The following OSBPL3 variants were observed in gnomAD, a reference collection of about 807,000 sequenced individuals.
The protein encoded by OSBPL3 is oxysterol-binding protein-related protein 3.
Under a neutral mutation model 120.1 loss-of-function variants are expected in OSBPL3, and 65 were observed. The observed-to-expected ratio is 0.54, with a 90% CI of 0.44 to 0.67. The LOEUF is 0.67. Among genes scored for constraint, OSBPL3 ranks in the 30% least tolerant of loss-of-function variants. The probability of loss-of-function intolerance (pLI) is 0.00; values close to 1 mark genes in which losing one functional copy is unlikely to be tolerated. For missense variants in OSBPL3, 1,004 were observed against 1,082.1 expected (o/e 0.93, Z 1.01); for synonymous variants, 416 against 402.6 (o/e 1.03, Z -0.40).
chr7:24,923,125 T>C (rs866348149), intron 1 of OSBPL3, among the ~76,000 whole-genome samples: 3 of 152,150 alleles, frequency 2.0e-5, no homozygotes, highest in Non-Finnish European at 4.4e-5. Context: ...TAGAAGATAG[T>C]TTCCATCAAT....
In OSBPL3 at chr7:24,806,707, G is replaced by C. The variant is rs942047552; in HGVS notation, c.2444+69C>G. 4.3e-5 allele frequency: 63 copies of C among 1,472,658 alleles called. No individual in the cohort carries two copies. Among genetic ancestry groups the C allele is most frequent in the Middle Eastern group, 3.5e-4 (2 of 5,648 alleles). 91.2% of individuals were successfully genotyped at this position (1,472,658 alleles called of 1,614,324 possible). On this transcript the variant is annotated intron_variant, in intron 21 of 22. Transcript: ENST00000313367. This position sits in a 1 kb window ranked among gnomAD's most constrained non-coding sequence, Gnocchi z 5.2. Reference sequence around the variant, plus strand: ...TCTCAGGTGCCTCTGGTGGCCTAAGGATTGTTAATAAGACTTTTTGTAAAG... The same window carrying C: ...TCTCAGGTGCCTCTGGTGGCCTAAGCATTGTTAATAAGACTTTTTGTAAAG...
chr7:24,872,547 A>T lies in OSBPL3; in HGVS notation c.97-478T>A, dbSNP rs1400796188. ...TGAACAGTATGAGACAATGCAAATC[A>T]GTAAATATGACAACTTGATTGAAAT... On this transcript the variant is annotated intron_variant, in intron 2 of 22. Coordinates refer to ENST00000313367, the MANE Select transcript of OSBPL3 (RefSeq NM_015550.4). The surrounding 1 kb of genome is among the most constrained non-coding windows in gnomAD (Gnocchi z 4.1). Among the ~76,000 whole-genome samples the T allele has an allele frequency of 4.0e-5, 6 of 151,874 alleles. No individual in the cohort carries two copies. Among genetic ancestry groups the T allele is most frequent in the African/African-American group, 1.5e-4 (6 of 41,364 alleles).
rs568754786 is a variant in OSBPL3 at position 24,898,540 on chromosome 7, T to G, written c.-149-5919A>C. Among the ~76,000 whole-genome samples the G allele has an allele frequency of 6.6e-6, 1 of 152,220 alleles. No individual in the cohort carries two copies. The highest frequency in any genetic ancestry group is 1.5e-5 in the Non-Finnish European group (1 of 68,032). On this transcript the variant is annotated intron_variant, in intron 1 of 22. Coordinates refer to ENST00000313367, the MANE Select transcript of OSBPL3 (RefSeq NM_015550.4). The surrounding 1 kb of genome is among the most constrained non-coding windows in gnomAD (Gnocchi z 4.3). ...TGGCACAATAGAGTATCCATTTCTA[T>G]TCCCTGCTCCATCCATGGCCTTCAC...
chr7:24,862,240 CA>C lies in OSBPL3; in HGVS notation c.871-472del, dbSNP rs932395662. ...TATTTTAAAAAATGAGAACTCAAGA[CA>C]ACACTTTCCACAGAAACTTGCTTCT... is the stretch of plus-strand genomic sequence containing the variant. On this transcript the variant is annotated intron_variant, in intron 9 of 22. Coordinates refer to ENST00000313367, the MANE Select transcript of OSBPL3 (RefSeq NM_015550.4). The surrounding 1 kb of genome is among the most constrained non-coding windows in gnomAD (Gnocchi z 4.4). Among the ~76,000 whole-genome samples, 1 of 152,176 alleles carries C rather than the reference CA, an allele frequency of 6.6e-6. No individual in the cohort carries two copies. The highest frequency in any genetic ancestry group is 2.4e-5 in the African/African-American group (1 of 41,436).
At chr7:24,921,718 CA>C (rs1810409257) in intron 1 of OSBPL3, among the ~76,000 whole-genome samples, 2 of 152,118 alleles carry the variant, frequency 1.3e-5, no homozygotes, top group Admixed American at 6.5e-5. Context: ...AAATCCTTAA[CA>C]AGGGATCTCT....
chr7:24,887,272 T>A (rs927567515), intron 2 of OSBPL3, among the ~76,000 whole-genome samples: 2 of 152,166 alleles, frequency 1.3e-5, no homozygotes, highest in Non-Finnish European at 2.9e-5. Context: ...TATTTTTTTC[T>A]TATAAGCAGG....
intron 2 of OSBPL3, among the ~76,000 whole-genome samples, chr7:24,886,109 A>T (rs1804494292): frequency 6.6e-6 from 1 of 152,244 alleles, no homozygotes; most frequent in Non-Finnish European, 1.5e-5. Flanking sequence ...TTATTCATTC[A>T]TTAATTTAAT....
At chr7:24,910,922 AAAATCCC>A (rs1488108248) in intron 1 of OSBPL3, among the ~76,000 whole-genome samples, 1 of 152,212 alleles carries the variant, frequency 6.6e-6, no homozygotes, top group Non-Finnish European at 1.5e-5. Flanking sequence ...AAGCTTCTAC[AAAATCCC>A]AAAGCCTGGT....
chr7:24,965,419 A>AT lies in OSBPL3; in HGVS notation c.-150+14466dup, dbSNP rs1816256271. Among the ~76,000 whole-genome samples the AT allele has an allele frequency of 6.6e-6, 1 of 152,314 alleles. No individual in the cohort carries two copies. Among genetic ancestry groups the AT allele is most frequent in the South Asian group, 2.1e-4 (1 of 4,830 alleles). On this transcript the variant is annotated intron_variant, in intron 1 of 22. Coordinates refer to ENST00000313367, the MANE Select transcript of OSBPL3 (RefSeq NM_015550.4). The surrounding 1 kb of genome is among the most constrained non-coding windows in gnomAD (Gnocchi z 4.3). ...GGGTTATTTTGTTGTGAGAAGAAAC[A>AT]TATATTAAAGTGATTTACAAATGTG... is the stretch of plus-strand genomic sequence containing the variant.
At chr7:24,888,424 T>G (rs1804847265) in intron 2 of OSBPL3, among the ~76,000 whole-genome samples, 1 of 152,182 alleles carries the variant, frequency 6.6e-6, no homozygotes, top group African/African-American at 2.4e-5. Context: ...GGACCCAAGA[T>G]TGGAGAGTTA....
At chr7:24,860,927 T>C (rs1222742353) in intron 10 of OSBPL3, among the ~76,000 whole-genome samples, 3 of 152,364 alleles carry the variant, frequency 2.0e-5, no homozygotes, top group East Asian at 3.9e-4. Context: ...TTTTCATTTA[T>C]CTGGAACAAA....
At position 24,947,662 on chromosome 7, in the gene OSBPL3, G is replaced by C. The variant is rs1033258512; in HGVS notation, c.-150+32224C>G. The stretch of plus-strand genomic sequence containing the variant: ...ATCTAGGAATCACTATTTCTGAGTA[G>C]ATAGCACAGTATTTATTGAAATTTG... On this transcript the variant is annotated intron_variant, in intron 1 of 22. Coordinates refer to ENST00000313367, the MANE Select transcript of OSBPL3 (RefSeq NM_015550.4). This position sits in a 1 kb window ranked among gnomAD's most constrained non-coding sequence, Gnocchi z 4.4. Among the ~76,000 whole-genome samples, 6 of 152,156 alleles carry C rather than the reference G, an allele frequency of 3.9e-5. No homozygotes were observed. The highest frequency in any genetic ancestry group is 1.4e-4 in the African/African-American group (6 of 41,424).
In OSBPL3 at chr7:24,834,521, T is replaced by C. The variant is rs1340317370; in HGVS notation, c.1711A>G (p.Lys571Glu). The C allele has an allele frequency of 1.5e-5, 25 of 1,613,830 alleles. No homozygotes were observed. Among genetic ancestry groups the C allele is most frequent in the Non-Finnish European group, 2.0e-5 (24 of 1,179,818 alleles). ...AGGGGGCTGGGAATCTGCGCGGCCT[T>C]GTCCAGGAGCTCGCTGTACTCCAGC... ...EELEYSELLD[K>E]AAQIPSPLER... is the part of the protein sequence containing the mutation. Residue 571 changes from lysine to glutamate, a missense_variant, in exon 15 of 23, where the codon AAG becomes GAG. Transcript: ENST00000313367. This position sits in a 1 kb window ranked among gnomAD's most constrained non-coding sequence, Gnocchi z 5.2.
chr7:24,872,545 T>TTTA lies in OSBPL3; in HGVS notation c.97-477_97-476insTAA, dbSNP rs1300642080. The stretch of plus-strand genomic sequence containing the variant: ...GCTGAACAGTATGAGACAATGCAAA[T>TTTA]CAGTAAATATGACAACTTGATTGAA... On this transcript the variant is annotated intron_variant, in intron 2 of 22. Transcript: ENST00000313367. This position sits in a 1 kb window ranked among gnomAD's most constrained non-coding sequence, Gnocchi z 4.1. Among the ~76,000 whole-genome samples, 6 of 150,946 alleles carry TTTA rather than the reference T, an allele frequency of 4.0e-5. No individual in the cohort carries two copies. The highest frequency in any genetic ancestry group is 1.5e-4 in the African/African-American group (6 of 40,990).
At chr7:24,914,992 T>A (rs1809340222) in intron 1 of OSBPL3, among the ~76,000 whole-genome samples, 1 of 152,152 alleles carries the variant, frequency 6.6e-6, no homozygotes, top group South Asian at 2.1e-4. Context: ...AAAAAAGTTA[T>A]CAGTTAAAAA....
intron 14 of OSBPL3, among the ~76,000 whole-genome samples, chr7:24,839,376 T>A (rs542025663): frequency 6.6e-6 from 1 of 152,026 alleles, no homozygotes; most frequent in East Asian, 1.9e-4. Context: ...TCAGAGCTGT[T>A]TGGGGGGCTA....
rs1372594392 is a variant in OSBPL3, at chr7:24,916,231, T to A, written c.-149-23610A>T. ...TCTTTCCCTTTTGTTAAATTCAAGA[T>A]CAAATTGAATGTTTTACTTTTAAAG... is the stretch of plus-strand genomic sequence containing the variant. On this transcript the variant is annotated intron_variant, in intron 1 of 22. Coordinates refer to ENST00000313367, the MANE Select transcript of OSBPL3 (RefSeq NM_015550.4). The surrounding 1 kb of genome is among the most constrained non-coding windows in gnomAD (Gnocchi z 4.9). 6.6e-6 allele frequency among the ~76,000 whole-genome samples: 1 copy of A among 152,182 alleles called. No individual in the cohort carries two copies. Among genetic ancestry groups the A allele is most frequent in the Non-Finnish European group, 1.5e-5 (1 of 68,024 alleles).
In OSBPL3 at chr7:24,813,622, A is replaced by C. The variant is rs928145746; in HGVS notation, c.2172+1437T>G. On this transcript the variant is annotated intron_variant, in intron 19 of 22. Coordinates refer to ENST00000313367, the MANE Select transcript of OSBPL3 (RefSeq NM_015550.4). This position sits in a 1 kb window ranked among gnomAD's most constrained non-coding sequence, Gnocchi z 4.5. ...TGTCTATAATCCAGTTTGAGGCTAT[A>C]ATAAAGACCCCAATCCACCTCTTCC... is the stretch of plus-strand genomic sequence containing the variant. Among the ~76,000 whole-genome samples, 24 of 152,204 alleles carry C rather than the reference A, an allele frequency of 1.6e-4. No individual in the cohort carries two copies. Among genetic ancestry groups the C allele is most frequent in the African/African-American group, 5.8e-4 (24 of 41,450 alleles).
At chr7:24,961,891 A>G (rs1815786451) in intron 1 of OSBPL3, among the ~76,000 whole-genome samples, 1 of 152,210 alleles carries the variant, frequency 6.6e-6, no homozygotes, top group Non-Finnish European at 1.5e-5. Context: ...CGAGCTGGCC[A>G]TTTACTCATT....
Sources: gnomAD v4.1 joint callset for allele counts (sites outside exome capture counted in the v4.1 genomes callset) on GRCh38, gnomAD v4.1.1 for gene constraint, Gnocchi (gnomAD v3.1) non-coding constraint, MANE v1.5 for transcripts, NCBI Gene and HGNC (gene_info 2026-07-23, HGNC 2026-07-21) for gene names.